The following MCM10 variants were observed in gnomAD, a reference collection of about 807,000 sequenced individuals.
MCM10 encodes protein MCM10 homolog.
MCM10 carries 91 observed loss-of-function variants against 109.9 expected under a neutral mutation model. The ratio of observed to expected loss-of-function variants is 0.83; its 90% CI spans 0.70 to 0.99. The LOEUF is 0.99. Among genes scored for constraint, MCM10 ranks in the 50% least tolerant of loss-of-function variants. The pLI, the probability that MCM10 is intolerant of heterozygous loss-of-function variation, is 0.00. For synonymous variants in MCM10, 380 were observed against 387.2 expected, an observed-to-expected ratio of 0.98 and a Z score of 0.22; for missense variants, 1,077 against 1,061.2, an observed-to-expected ratio of 1.01 and a Z score of -0.21.
Position 13,177,610 on chromosome 10 carries a change from A to T in MCM10, c.764+1929A>T, listed in dbSNP as rs545740612. Among the ~76,000 whole-genome samples, 438 of 148,736 alleles carry T rather than the reference A, an allele frequency of 2.9e-3. 1 individual carries two copies. The highest frequency in any genetic ancestry group is 4.0e-3 in the Non-Finnish European group (270 of 67,670). ...TCCCTAGCTGGGCATGGTGGCTTAC[A>T]CCTGTAATCCCAGCACTTAGGGAGG... On this transcript the variant is annotated intron_variant, in intron 6 of 19. Transcript: ENST00000378714.
intron 1 of MCM10, 43 bp from the exon 2 acceptor site, chr10:13,164,085 G>C (rs948765870): frequency 2.4e-6 from 2 of 823,492 alleles, no homozygotes; most frequent in Non-Finnish European, 3.7e-6. Flanking sequence ...GTGAGAGAAA[G>C]AGAAGAATTG....
chr10:13,194,533 G>A (rs1834390384), intron 13 of MCM10, among the ~76,000 whole-genome samples: 1 of 148,782 alleles, frequency 6.7e-6, no homozygotes, highest in African/African-American at 2.4e-5. Context: ...GTGACACAGC[G>A]AGACTCTGTC....
Position 13,204,255 on chromosome 10 carries a change from G to C in MCM10, c.2389G>C (p.Val797Leu), listed in dbSNP as rs374760775. The change falls in exon 18 of 20, where the codon GTC becomes CTC. Residue 797 changes from valine to leucine, a missense_variant. Coordinates refer to ENST00000378714, the MANE Select transcript of MCM10 (RefSeq NM_018518.5). ...YTHFKLLETC[V>L]SEQHEYHWHD... is the part of the protein sequence containing the mutation. ...CCACTTCAAGCTGCTGGAGACCTGC[G>C]TCAGTGAGCAGCATGAATACCACTG... The C allele has an allele frequency of 5.6e-6, 9 of 1,614,150 alleles. No homozygotes were observed. The highest frequency in any genetic ancestry group is 6.8e-6 in the Non-Finnish European group (8 of 1,180,036).
intron 3 of MCM10, among the ~76,000 whole-genome samples, chr10:13,171,578 G>A (rs1331570343): frequency 6.6e-6 from 1 of 152,146 alleles, no homozygotes; most frequent in Non-Finnish European, 1.5e-5. Flanking sequence ...AGACAAGGTT[G>A]CAAAGCTGCC....
In MCM10 at chr10:13,209,083, T is replaced by G. The variant is rs377406135; in HGVS notation, c.2499-8T>G. ...CCCTGCTGAGTAAATCCATCTGTTC[T>G]GTTTCAGTAACTGTGGCCTCTACAA... is the stretch of plus-strand genomic sequence containing the variant. On this transcript the variant is annotated splice_polypyrimidine_tract_variant and splice_region_variant and intron_variant, in intron 18 of 19. Transcript: ENST00000378714. The G allele has an allele frequency of 1.2e-6, 2 of 1,608,958 alleles. No individual in the cohort carries two copies. Among genetic ancestry groups the G allele is most frequent in the African/African-American group, 1.3e-5 (1 of 74,850 alleles).
intron 18 of MCM10, among the ~76,000 whole-genome samples, chr10:13,207,641 A>G (rs1030108817): frequency 1.3e-5 from 2 of 152,180 alleles, no homozygotes; most frequent in Admixed American, 6.5e-5. Flanking sequence ...ATGAAAACAA[A>G]TAAGTCTCAT....
Position 13,192,475 on chromosome 10 carries a change from C to T in MCM10, c.1652C>T (p.Ala551Val). ...ASGIMGSPKP[A>V]IKSISASALL... The stretch of plus-strand genomic sequence containing the variant: ...GGGATTATGGGGAGCCCAAAACCAG[C>T]CATCAAGTCCATCTCGGCCTCAGCA... The change falls in exon 13 of 20, where the codon GCC becomes GTC. Residue 551 changes from alanine to valine, a missense_variant. Coordinates refer to ENST00000378714, the MANE Select transcript of MCM10 (RefSeq NM_018518.5). 3 of 1,614,172 alleles carry T rather than the reference C, an allele frequency of 1.9e-6. No individual in the cohort carries two copies. Among genetic ancestry groups the T allele is most frequent in the Non-Finnish European group, 2.5e-6 (3 of 1,180,036 alleles).
At chr10:13,188,722 A>T (rs1179387766) in intron 9 of MCM10, among the ~76,000 whole-genome samples, 159 bp from the exon 10 acceptor site, 2 of 152,160 alleles carry the variant, frequency 1.3e-5, no homozygotes, top group African/African-American at 4.8e-5. Context: ...CCCCTCAGGG[A>T]CTGAGCAGCC....
At chr10:13,174,134 A>ATTTTTTTTTT (rs139116646) in intron 5 of MCM10, among the ~76,000 whole-genome samples, 1 of 75,146 alleles carries the variant, frequency 1.3e-5, no homozygotes, top group African/African-American at 4.8e-5. Context: ...CTAGTTTTGG[A>ATTTTTTTTTT]TTTTTTTTTT....
rs758259622 is a variant in MCM10 at position 13,195,209 on chromosome 10, C to G, written c.1914C>G (p.Leu638=). 1 of 1,612,952 alleles carries G rather than the reference C, an allele frequency of 6.2e-7. No homozygotes were observed. Among genetic ancestry groups the G allele is most frequent in the Admixed American group, 1.7e-5 (1 of 59,858 alleles). The change falls in exon 14 of 20, where the codon CTC becomes CTG. Residue 638 remains leucine (L), a synonymous_variant. Transcript: ENST00000378714. ...GRGVLEGDDV[L]FYDESPPPRP... ...GTGTCTTGGAAGGAGATGATGTTCTCTTTTATGATGAGTCACCACCACCAA... is the reference window on the plus strand; with the variant it reads ...GTGTCTTGGAAGGAGATGATGTTCTGTTTTATGATGAGTCACCACCACCAA...
chr10:13,187,040 A>C (rs1834284313), intron 9 of MCM10, among the ~76,000 whole-genome samples: 2 of 152,222 alleles, frequency 1.3e-5, no homozygotes, highest in South Asian at 4.1e-4. Context: ...AATTTCTAGT[A>C]CATTCACAGA....
At chr10:13,201,633 C>A in intron 17 of MCM10, 99 bp downstream of exon 17, 1 of 849,112 alleles carries the variant, frequency 1.2e-6, no homozygotes, top group South Asian at 1.6e-5. Flanking sequence ...GGCCCTATCT[C>A]GTGATGTGTC....
chr10:13,192,541 G>C lies in MCM10; in HGVS notation c.1718G>C (p.Arg573Thr), dbSNP rs1318290482. 6.2e-7 allele frequency: 1 copy of C among 1,614,100 alleles called. No homozygotes were observed. The highest frequency in any genetic ancestry group is 8.5e-7 in the Non-Finnish European group (1 of 1,180,048). ...AAGCAGCGGATGTTGGAGATGAGGA[G>C]AAGGAAATCAGAAGAAATACAGAAG... ...QQKQRMLEMR[R>T]RKSEEIQKRF... The change falls in exon 13 of 20, where the codon AGA (arginine) becomes ACA (threonine). Residue 573 changes from arginine (R) to threonine (T), a missense_variant. Physicochemically the swap from Arg to Thr is moderately conservative, Grantham distance 71. Coordinates refer to ENST00000378714, the MANE Select transcript of MCM10 (RefSeq NM_018518.5).
rs12775328 is a variant in MCM10 at position 13,179,227 on chromosome 10, C to T, written c.765-1215C>T. Among the ~76,000 whole-genome samples the T allele has an allele frequency of 8.1e-3, 1,232 of 152,160 alleles. 9 individuals are homozygous for T. Among genetic ancestry groups the T allele is most frequent in the Middle Eastern group, 0.014 (4 of 294 alleles). ...CATCTGATTGCTCTAGCTAGGACTCCCCTAAGCTGTTTGCCTACTGTGTAT... is the reference window on the plus strand; with the variant it reads ...CATCTGATTGCTCTAGCTAGGACTCTCCTAAGCTGTTTGCCTACTGTGTAT... On this transcript the variant is annotated intron_variant, in intron 6 of 19. Coordinates refer to ENST00000378714, the MANE Select transcript of MCM10 (RefSeq NM_018518.5).
intron 14 of MCM10, among the ~76,000 whole-genome samples, chr10:13,197,027 G>A (rs1335232495): frequency 1.3e-5 from 2 of 150,100 alleles, no homozygotes; most frequent in Admixed American, 1.3e-4. Flanking sequence ...CTGGGCTCAG[G>A]TGATCCTCCC....
intron 18 of MCM10, 122 bp downstream of exon 18, chr10:13,204,486 C>A: frequency 7.9e-7 from 1 of 1,269,874 alleles, no homozygotes; most frequent in Non-Finnish European, 1.1e-6. Flanking sequence ...TAGCTCCAGG[C>A]TACCCTTGGG....
chr10:13,187,051 G>A (rs1409781829), intron 9 of MCM10, among the ~76,000 whole-genome samples: 3 of 152,138 alleles, frequency 2.0e-5, no homozygotes, highest in Admixed American at 2.0e-4. Flanking sequence ...CATTCACAGA[G>A]CTGTGCAACC....
chr10:13,194,424 A>G (rs765182089), intron 13 of MCM10, among the ~76,000 whole-genome samples: 42 of 152,176 alleles, frequency 2.8e-4, no homozygotes, highest in Admixed American at 8.5e-4. Context: ...GCTCACGCCT[A>G]TAATCCCAAC....
intron 5 of MCM10, among the ~76,000 whole-genome samples, chr10:13,175,172 G>T (rs374552188): frequency 6.6e-6 from 1 of 151,952 alleles, no homozygotes; most frequent in Non-Finnish European, 1.5e-5. Context: ...AATGTCTCAC[G>T]CCTGTAATCC....
Sources: allele counts gnomAD v4.1 joint callset (sites outside exome capture counted in the v4.1 genomes callset), GRCh38; gene constraint gnomAD v4.1.1; transcripts MANE v1.5; gene names NCBI Gene and HGNC (gene_info 2026-07-23, HGNC 2026-07-21).